Variants in PRSS23 observed in about 807,000 individuals in gnomAD.
PRSS23 encodes protease, serine 23.
In PRSS23, 25 loss-of-function variants were observed where a neutral mutation model predicts 34.7. The ratio of observed to expected loss-of-function variants is 0.72; its 90% CI spans 0.53 to 1.01. The LOEUF (loss-of-function observed/expected upper bound fraction) is 1.01. PRSS23 is among the 50% of genes least tolerant of loss of function. The pLI is 0.00. For missense variants in PRSS23, 445 were observed against 475.6 expected (o/e 0.94, Z 0.60); for synonymous variants, 176 against 186.6 (o/e 0.94, Z 0.46).
At chr11:86,807,527 C>G (rs1948115434) in intron 1 of PRSS23, 104 bp from the exon 2 acceptor site, 1 of 1,125,796 alleles carries the variant, frequency 8.9e-7, no homozygotes, top group Non-Finnish European at 1.3e-6. Context: ...GAGGAGTGTT[C>G]AAAGACTCAG....
chr11:86,869,477 A>G (rs574727237), intron 2 of PRSS23, among the ~76,000 whole-genome samples: 44 of 152,248 alleles, frequency 2.9e-4, no homozygotes, highest in African/African-American at 1.1e-3. Context: ...AGTTGCTCCG[A>G]GCCTAATGAG....
intron 2 of PRSS23, among the ~76,000 whole-genome samples, chr11:86,867,593 A>T (rs866971391): frequency 6.6e-6 from 1 of 152,234 alleles, no homozygotes; most frequent in African/African-American, 2.4e-5. Flanking sequence ...TGAAAATAAA[A>T]GATAAGCCAG....
chr11:86,864,536 A>T (rs1416789770), intron 2 of PRSS23, among the ~76,000 whole-genome samples: 1 of 152,252 alleles, frequency 6.6e-6, no homozygotes, highest in African/African-American at 2.4e-5. Flanking sequence ...ACCAGCTCTC[A>T]TGGTGGCTCT....
chr11:86,915,076 T>A (rs1441245692), intron 2 of PRSS23, among the ~76,000 whole-genome samples: 1 of 152,186 alleles, frequency 6.6e-6, no homozygotes, highest in East Asian at 1.9e-4. Context: ...TTGGGAACCA[T>A]CAATCGCATC....
intron 2 of PRSS23, among the ~76,000 whole-genome samples, chr11:86,847,496 A>C (rs1948496517): frequency 6.6e-6 from 1 of 152,188 alleles, no homozygotes; most frequent in Non-Finnish European, 1.5e-5. Flanking sequence ...AAAAGCGGCC[A>C]TGAGCTTTCA....
chr11:86,821,785 C>A lies in PRSS23; in HGVS notation c.-11-1592C>A, dbSNP rs1948253989. 4.1e-6 allele frequency: 4 copies of A among 966,972 alleles called. No homozygotes were observed. In the South Asian group the frequency reaches 6.3e-5, roughly 15 times the overall value. 59.9% of individuals were successfully genotyped at this position (966,972 alleles called of 1,614,324 possible). ...AAAATCCTGTGCCCAGCCCGTTCCGCCTCAGCACGCTGCCCCCTCCGCCAT... is the reference window on the plus strand; with the variant it reads ...AAAATCCTGTGCCCAGCCCGTTCCGACTCAGCACGCTGCCCCCTCCGCCAT... On this transcript the variant is annotated intron_variant, in intron 1 of 2. Transcript: ENST00000533902.
At chr11:86,799,013 T>C (rs1355219345), upstream of PRSS23, among the ~76,000 whole-genome samples, 1 of 152,220 alleles carries the variant, frequency 6.6e-6, no homozygotes, top group East Asian at 1.9e-4. Flanking sequence ...TATATATTAA[T>C]GTGACATTTT....
At chr11:86,820,059 AATT>A (rs1948241822) in intron 1 of PRSS23, among the ~76,000 whole-genome samples, 1 of 152,200 alleles carries the variant, frequency 6.6e-6, no homozygotes, top group Admixed American at 6.5e-5. Context: ...GGAACCTATG[AATT>A]ATTGCAAATA....
At chr11:86,884,025 A>G (rs558139588) in intron 2 of PRSS23, among the ~76,000 whole-genome samples, 22 of 152,298 alleles carry the variant, frequency 1.4e-4, no homozygotes, top group African/African-American at 5.3e-4. Flanking sequence ...ACTTCCCAAG[A>G]CAGAAACCCT....
At chr11:86,853,681 C>T (rs1948547895) in intron 2 of PRSS23, among the ~76,000 whole-genome samples, 1 of 152,184 alleles carries the variant, frequency 6.6e-6, no homozygotes, top group Admixed American at 6.5e-5. Context: ...AATAATGCTG[C>T]TATGAATATG....
intron 2 of PRSS23, among the ~76,000 whole-genome samples, chr11:86,832,115 TG>T (rs1419885255): frequency 6.6e-6 from 1 of 152,098 alleles, no homozygotes; most frequent in East Asian, 1.9e-4. Flanking sequence ...TAATATTCTA[TG>T]GGGATGTTGT....
At chr11:86,841,858 G>A (rs953719840) in intron 2 of PRSS23, among the ~76,000 whole-genome samples, 8 of 152,202 alleles carry the variant, frequency 5.3e-5, no homozygotes, top group Admixed American at 3.3e-4. Flanking sequence ...GAGGTATAAA[G>A]AGGAACTGGT....
At chr11:86,903,774 C>CGCTGGCCT (rs1948925905) in intron 2 of PRSS23, among the ~76,000 whole-genome samples, 1 of 152,122 alleles carries the variant, frequency 6.6e-6, no homozygotes, top group African/African-American at 2.4e-5. Flanking sequence ...TGAGCCACCA[C>CGCTGGCCT]TCCCGGACTA....
chr11:86,885,021 C>T (rs952113104), intron 2 of PRSS23, among the ~76,000 whole-genome samples: 6 of 152,150 alleles, frequency 3.9e-5, no homozygotes, highest in African/African-American at 1.4e-4. Flanking sequence ...TTATATTGTG[C>T]TCATTGGAAT....
chr11:86,895,797 A>G (rs971011023), intron 2 of PRSS23, among the ~76,000 whole-genome samples: 3 of 152,098 alleles, frequency 2.0e-5, no homozygotes, highest in Non-Finnish European at 4.4e-5. Context: ...ACCTTTTTTA[A>G]CCAGGTGTTT....
chr11:86,890,921 A>G (rs1192942200), intron 2 of PRSS23, among the ~76,000 whole-genome samples: 3 of 152,166 alleles, frequency 2.0e-5, no homozygotes, highest in African/African-American at 4.8e-5. Flanking sequence ...TGCTCTCCCT[A>G]TTAAGGTTAA....
intron 2 of PRSS23, among the ~76,000 whole-genome samples, chr11:86,869,831 G>A (rs1232463093): frequency 6.6e-6 from 1 of 152,196 alleles, no homozygotes; most frequent in Non-Finnish European, 1.5e-5. Flanking sequence ...TAGATTATGA[G>A]CACTTTGAGG....
intron 1 of PRSS23, among the ~76,000 whole-genome samples, chr11:86,820,782 T>C (rs1948246047): frequency 6.6e-6 from 1 of 152,182 alleles, no homozygotes. Context: ...AGTAAAGGGC[T>C]TGTGTGAAAC....
chr11:86,820,097 A>G (rs1679423154), intron 1 of PRSS23, among the ~76,000 whole-genome samples: 1 of 152,338 alleles, frequency 6.6e-6, no homozygotes, highest in African/African-American at 2.4e-5. Context: ...TGTAATTCAA[A>G]CATAAACTTT....
Sources: allele counts gnomAD v4.1 joint callset (sites outside exome capture counted in the v4.1 genomes callset), GRCh38; gene constraint gnomAD v4.1.1; transcripts MANE v1.5; gene names NCBI Gene and HGNC (gene_info 2026-07-23, HGNC 2026-07-21).